The following SH2B3 variants were observed in gnomAD, a reference collection of about 807,000 sequenced individuals.
The protein encoded by SH2B3 is SH2B adapter protein 3.
A neutral mutation model predicts 51.9 loss-of-function variants in SH2B3; 43 were observed. The observed-to-expected ratio is 0.83, with a 90% CI of 0.65 to 1.07. SH2B3 has a LOEUF of 1.07. Among genes scored for constraint, SH2B3 ranks in the 50% least tolerant of loss-of-function variants. SH2B3 has a pLI of 0.00. For synonymous variants in SH2B3, 396 were observed against 376.0 expected, an observed-to-expected ratio of 1.05 and a Z score of -0.62; for missense variants, 952 against 834.3, an observed-to-expected ratio of 1.14 and a Z score of -1.74.
chr12:111,438,532 G>A lies in SH2B3; in HGVS notation c.733-8221G>A, dbSNP rs146148779. Among the ~76,000 whole-genome samples, 16 of 152,278 alleles carry A rather than the reference G, an allele frequency of 1.1e-4. No homozygotes were observed. The highest frequency in any genetic ancestry group is 3.4e-3 in the Middle Eastern group (1 of 294). On this transcript the variant is annotated intron_variant, in intron 2 of 7. Coordinates refer to ENST00000341259, the MANE Select transcript of SH2B3 (RefSeq NM_005475.3). The surrounding 1 kb of genome is among the most constrained non-coding windows in gnomAD (Gnocchi z 4.2). The stretch of plus-strand genomic sequence containing the variant: ...GGGGCAATCATCCCCTATGCCCCCC[G>A]TTACCCAGCACAAAGGATGCTTAGC...
At chr12:111,437,638 G>GAGA (rs1252884711) in intron 2 of SH2B3, among the ~76,000 whole-genome samples, 1 of 152,180 alleles carries the variant, frequency 6.6e-6, no homozygotes, top group African/African-American at 2.4e-5. Flanking sequence ...TGTGAAGGAG[G>GAGA]GGCCAGGCTT....
At chr12:111,446,489 G>C (rs1565989142) in intron 2 of SH2B3, among the ~76,000 whole-genome samples, 3 of 152,206 alleles carry the variant, frequency 2.0e-5, no homozygotes. Flanking sequence ...ATGGCAGAGT[G>C]GGAATGTCTC....
At chr12:111,412,259 TC>T (rs1240807927) in intron 1 of SH2B3, among the ~76,000 whole-genome samples, 1 of 152,204 alleles carries the variant, frequency 6.6e-6, no homozygotes, top group African/African-American at 2.4e-5. Context: ...GGATCCACCT[TC>T]CTGTGGCCTG....
At chr12:111,428,040 C>T (rs951495923) in intron 2 of SH2B3, among the ~76,000 whole-genome samples, 2 of 152,210 alleles carry the variant, frequency 1.3e-5, no homozygotes, top group Non-Finnish European at 2.9e-5. Flanking sequence ...GACTTACTGT[C>T]AGTATTATTG....
intron 2 of SH2B3, among the ~76,000 whole-genome samples, chr12:111,439,736 T>G (rs968492664): frequency 3.9e-4 from 59 of 152,062 alleles, no homozygotes; most frequent in Non-Finnish European, 4.4e-4. Flanking sequence ...AGCAGCATCG[T>G]GGGGGTGGAA....
At chr12:111,426,535 A>G (rs906805354) in intron 2 of SH2B3, among the ~76,000 whole-genome samples, 17 of 151,912 alleles carry the variant, frequency 1.1e-4, no homozygotes, top group Admixed American at 1.1e-3. Context: ...CCTAGTTTCT[A>G]TGACTCACTT....
chr12:111,410,993 G>C lies in SH2B3; in HGVS notation c.-28+4716G>C, dbSNP rs1182937727. ...CCCCTCTGAAGGTGTGAGACTTCCT[G>C]CCTATATCTGTGAGCTGGGGCAGGG... On this transcript the variant is annotated intron_variant, in intron 1 of 7. Coordinates refer to ENST00000341259, the MANE Select transcript of SH2B3 (RefSeq NM_005475.3). The surrounding 1 kb of genome is among the most constrained non-coding windows in gnomAD (Gnocchi z 4.9). 3.9e-5 allele frequency among the ~76,000 whole-genome samples: 6 copies of C among 152,162 alleles called. 1 individual carries two copies. The highest frequency in any genetic ancestry group is 3.9e-4 in the Admixed American group (6 of 15,276).
chr12:111,444,942 G>T, intron 2 of SH2B3: 4 of 918,642 alleles, frequency 4.4e-6, no homozygotes, highest in Non-Finnish European at 5.2e-6. Flanking sequence ...CTCAAGGGCT[G>T]CTGTGGGGAG....
At chr12:111,436,685 T>C (rs911291653) in intron 2 of SH2B3, among the ~76,000 whole-genome samples, 1 of 151,984 alleles carries the variant, frequency 6.6e-6, no homozygotes, top group African/African-American at 2.4e-5. Context: ...GGGAGGCCAC[T>C]CTAGCATCTG....
At chr12:111,445,239 C>T (rs1873820896) in intron 2 of SH2B3, among the ~76,000 whole-genome samples, 1 of 152,182 alleles carries the variant, frequency 6.6e-6, no homozygotes, top group South Asian at 2.1e-4. Context: ...TCCTTAAGGC[C>T]TGCAGCTAGG....
At chr12:111,439,331 TAG>T (rs1873187156) in intron 2 of SH2B3, among the ~76,000 whole-genome samples, 1 of 152,206 alleles carries the variant, frequency 6.6e-6, no homozygotes, top group African/African-American at 2.4e-5. Context: ...GTATTTTTAG[TAG>T]AGACAGAGTT....
rs1164322575 is a variant in SH2B3, at chr12:111,435,978, G to C, written c.733-10775G>C. The stretch of plus-strand genomic sequence containing the variant: ...GCCTGGAGTGGGGTCTGGTGGCCCT[G>C]CCGTGTATGGAGCTGAGTGCCGCCC... On this transcript the variant is annotated intron_variant, in intron 2 of 7. Transcript: ENST00000341259. This position sits in a 1 kb window ranked among gnomAD's most constrained non-coding sequence, Gnocchi z 4.8. Among the ~76,000 whole-genome samples the C allele has an allele frequency of 6.6e-6, 1 of 152,196 alleles. No individual in the cohort carries two copies. Among genetic ancestry groups the C allele is most frequent in the Non-Finnish European group, 1.5e-5 (1 of 68,030 alleles).
Position 111,418,044 on chromosome 12 carries a change from C to A in SH2B3, c.-27-75C>A, listed in dbSNP as rs1871208035. 1 of 1,114,056 alleles carries A rather than the reference C, an allele frequency of 9.0e-7. No homozygotes were observed. The highest frequency in any genetic ancestry group is 2.8e-5 in the East Asian group (1 of 35,302). 69.0% of individuals were successfully genotyped at this position (1,114,056 alleles called of 1,614,324 possible). A position where few individuals can be genotyped will look rare whatever the true frequency, so the allele number is the denominator to read the frequency against. On this transcript the variant is annotated intron_variant, in intron 1 of 7. Transcript: ENST00000341259. The surrounding 1 kb of genome is among the most constrained non-coding windows in gnomAD (Gnocchi z 6.7). ...CGCGTTGGATTTCTGCTGTGGTGCC[C>A]GGTGTGTAATGGGGCCTACACCTGC...
chr12:111,423,365 ATTTT>A (rs1233053827), intron 2 of SH2B3, among the ~76,000 whole-genome samples: 2 of 151,922 alleles, frequency 1.3e-5, no homozygotes, highest in Admixed American at 1.3e-4. Context: ...TAGGGTTTTT[ATTTT>A]TTTATTTTTT....
chr12:111,420,707 G>A (rs1173031384), intron 2 of SH2B3, among the ~76,000 whole-genome samples: 2 of 152,178 alleles, frequency 1.3e-5, no homozygotes, highest in Non-Finnish European at 2.9e-5. Context: ...AGGTTCTGGG[G>A]GACCAGGCGG....
Position 111,418,350 on chromosome 12 carries a change from G to A in SH2B3, c.205G>A (p.Asp69Asn), listed in dbSNP as rs1480106526. The stretch of plus-strand genomic sequence containing the variant: ...CGAGCTGGTGTCGCTGCAGTTCACC[G>A]ACCTCTTCCAGCGCTACTTCTGCCG... ...RAELVSLQFT[D>N]LFQRYFCREV... Residue 69 changes from aspartate to asparagine, a missense_variant, in exon 2 of 8, where the codon GAC becomes AAC. Transcript: ENST00000341259. This position sits in a 1 kb window ranked among gnomAD's most constrained non-coding sequence, Gnocchi z 6.7. The A allele has an allele frequency of 6.6e-7, 1 of 1,523,268 alleles. No homozygotes were observed. Among genetic ancestry groups the A allele is most frequent in the Non-Finnish European group, 8.8e-7 (1 of 1,141,066 alleles). The allele number at this position is 1,523,268 out of a possible 1,614,324, so 94.4% of individuals were successfully genotyped here. A position where few individuals can be genotyped will look rare whatever the true frequency, so the allele number is the denominator to read the frequency against.
In SH2B3 at chr12:111,406,143, C is replaced by G. The variant is rs1197080399; in HGVS notation, c.-162C>G. 4 of 151,902 alleles carry G rather than the reference C, an allele frequency of 2.6e-5. No individual in the cohort carries two copies. The highest frequency in any genetic ancestry group is 5.9e-5 in the Non-Finnish European group (4 of 67,924). The allele number at this position is 151,902 out of a possible 1,614,324, so 9.4% of individuals were successfully genotyped here. A position where few individuals can be genotyped will look rare whatever the true frequency, so the allele number is the denominator to read the frequency against. Reference sequence around the variant, plus strand: ...GTTTCCTGCCTGAGCCCCGCTCGAGCGAGCCGCGAGCGAGGAGCCGGCGGG... The same window carrying G: ...GTTTCCTGCCTGAGCCCCGCTCGAGGGAGCCGCGAGCGAGGAGCCGGCGGG... On this transcript the variant is annotated 5_prime_UTR_variant, in exon 1 of 8. Coordinates refer to ENST00000341259, the MANE Select transcript of SH2B3 (RefSeq NM_005475.3). The surrounding 1 kb of genome is among the most constrained non-coding windows in gnomAD (Gnocchi z 5.7).
At chr12:111,446,467 G>C (rs1266463712) in intron 2 of SH2B3, among the ~76,000 whole-genome samples, 1 of 152,230 alleles carries the variant, frequency 6.6e-6, no homozygotes, top group Non-Finnish European at 1.5e-5. Flanking sequence ...AAGAGAAACG[G>C]ATGTCAGACA....
intron 2 of SH2B3, among the ~76,000 whole-genome samples, chr12:111,425,886 C>A (rs530422788): frequency 6.6e-6 from 1 of 152,288 alleles, no homozygotes; most frequent in African/African-American, 2.4e-5. Context: ...CCTTTCATCA[C>A]CCATCATCGG....
Sources: allele counts gnomAD v4.1 joint callset (sites outside exome capture counted in the v4.1 genomes callset), GRCh38; gene constraint gnomAD v4.1.1; non-coding constraint Gnocchi (gnomAD v3.1); transcripts MANE v1.5; gene names NCBI Gene and HGNC (gene_info 2026-07-23, HGNC 2026-07-21).